NKAIN2: variants seen among roughly 807,000 people sequenced by gnomAD.
NKAIN2 encodes the protein sodium/potassium transporting ATPase interacting 2.
NKAIN2 carries 14 observed loss-of-function variants against 32.6 expected under a neutral mutation model. That is an observed-to-expected ratio of 0.43 (90% CI 0.28 to 0.67). The LOEUF is 0.67. Among genes scored for constraint, NKAIN2 ranks in the 30% least tolerant of loss-of-function variants. NKAIN2 has a pLI of 0.17. For synonymous variants in NKAIN2, 80 were observed against 87.2 expected (o/e 0.92, Z 0.46); for missense variants, 198 against 258.3 (o/e 0.77, Z 1.60).
chr6:124,007,160 T>C (rs1780112306), intron 1 of NKAIN2, among the ~76,000 whole-genome samples: 1 of 152,172 alleles, frequency 6.6e-6, no homozygotes, highest in African/African-American at 2.4e-5. Flanking sequence ...TAGGAAATTG[T>C]AGCACAAATG....
chr6:124,087,233 A>G (rs917277398), intron 1 of NKAIN2, among the ~76,000 whole-genome samples: 1 of 151,948 alleles, frequency 6.6e-6, no homozygotes, highest in African/African-American at 2.4e-5. Context: ...ACACATCCAT[A>G]ATAAAACTCT....
intron 1 of NKAIN2, among the ~76,000 whole-genome samples, chr6:124,174,287 A>T (rs905057855): frequency 2.6e-5 from 4 of 152,156 alleles, no homozygotes; most frequent in Admixed American, 2.6e-4. Flanking sequence ...GAAGTTGTTC[A>T]TTCAAACTTC....
intron 5 of NKAIN2, among the ~76,000 whole-genome samples, chr6:124,806,417 T>C (rs1181871908): frequency 6.6e-6 from 1 of 151,952 alleles, no homozygotes; most frequent in African/African-American, 2.4e-5. Flanking sequence ...AGAAATAAAA[T>C]ACTTTACAGA....
intron 3 of NKAIN2, among the ~76,000 whole-genome samples, chr6:124,633,099 A>ATATAGTGATTTGGCAATGATTG (rs1783632410): frequency 2.0e-5 from 3 of 152,178 alleles, no homozygotes; most frequent in Non-Finnish European, 4.4e-5. Context: ...AAAATACCAA[A>ATATAGTGATTTGGCAATGATTG]TATAGTGATT....
chr6:124,238,705 A>G (rs1181045375), intron 1 of NKAIN2, among the ~76,000 whole-genome samples: 1 of 152,160 alleles, frequency 6.6e-6, no homozygotes, highest in Non-Finnish European at 1.5e-5. Context: ...GAGAAATAAA[A>G]TCCTTTAGAG....
intron 5 of NKAIN2, among the ~76,000 whole-genome samples, chr6:124,809,082 C>G (rs995264999): frequency 2.6e-5 from 4 of 152,136 alleles, no homozygotes. Context: ...GATTCAATGC[C>G]ATCCCCATCA....
chr6:123,806,029 T>C lies in NKAIN2; in HGVS notation c.54+1775T>C, dbSNP rs1483778329. 2.9e-4 allele frequency among the ~76,000 whole-genome samples: 44 copies of C among 152,152 alleles called. 1 individual carries two copies. The highest frequency in any genetic ancestry group is 2.9e-3 in the Admixed American group (44 of 15,278). Reference sequence around the variant, plus strand: ...AACATAAATATACCAGTAGGGAAGCTATCTATTCAAAGTAGAATGATAAAG... The same window carrying C: ...AACATAAATATACCAGTAGGGAAGCCATCTATTCAAAGTAGAATGATAAAG... On this transcript the variant is annotated intron_variant, in intron 1 of 6. Transcript: ENST00000368417.
intron 2 of NKAIN2, among the ~76,000 whole-genome samples, chr6:124,337,213 C>T (rs997470406): frequency 6.6e-6 from 1 of 152,112 alleles, no homozygotes; most frequent in African/African-American, 2.4e-5. Flanking sequence ...CAAAAAAATA[C>T]TCGCTGGGTG....
rs946877094 is a variant in NKAIN2 at position 123,964,637 on chromosome 6, A to T, written c.54+160383A>T. 1.3e-5 allele frequency among the ~76,000 whole-genome samples: 2 copies of T among 152,198 alleles called. No homozygotes were observed. Among genetic ancestry groups the T allele is most frequent in the African/African-American group, 4.8e-5 (2 of 41,458 alleles). Reference sequence around the variant, plus strand: ...TTAAAGGTTTGAGAAATAATTTTTAAGAGAAAATGTCAAACGGTTTTGGAG... The same window carrying T: ...TTAAAGGTTTGAGAAATAATTTTTATGAGAAAATGTCAAACGGTTTTGGAG... On this transcript the variant is annotated intron_variant, in intron 1 of 6. Transcript: ENST00000368417. This position sits in a 1 kb window ranked among gnomAD's most constrained non-coding sequence, Gnocchi z 4.0.
At chr6:124,805,459 C>A (rs937444518) in intron 5 of NKAIN2, among the ~76,000 whole-genome samples, 5 of 152,138 alleles carry the variant, frequency 3.3e-5, no homozygotes, top group Non-Finnish European at 7.3e-5. Flanking sequence ...AACTAACAAA[C>A]AGAAAGGACA....
chr6:124,296,110 C>T (rs1016434635), intron 2 of NKAIN2, among the ~76,000 whole-genome samples: 1 of 152,082 alleles, frequency 6.6e-6, no homozygotes, highest in Non-Finnish European at 1.5e-5. Context: ...CAATTGCATT[C>T]TCTTTCACAT....
chr6:123,902,212 A>C (rs1361184145), intron 1 of NKAIN2, among the ~76,000 whole-genome samples: 1 of 152,056 alleles, frequency 6.6e-6, no homozygotes, highest in Non-Finnish European at 1.5e-5. Flanking sequence ...TACTACATAG[A>C]CTCACATTTT....
At chr6:124,339,198 GGGCGT>G (rs1340589963) in intron 2 of NKAIN2, among the ~76,000 whole-genome samples, 1 of 152,028 alleles carries the variant, frequency 6.6e-6, no homozygotes, top group Non-Finnish European at 1.5e-5. Context: ...AAAAGTAGCC[GGGCGT>G]GGTGGCGCGC....
At chr6:124,719,780 A>G (rs1583716225) in intron 4 of NKAIN2, among the ~76,000 whole-genome samples, 1 of 151,944 alleles carries the variant, frequency 6.6e-6, no homozygotes, top group Non-Finnish European at 1.5e-5. Flanking sequence ...TAATGGTATG[A>G]CTTATTTCTG....
intron 3 of NKAIN2, among the ~76,000 whole-genome samples, chr6:124,465,083 C>T (rs115360553): frequency 0.033 from 5,068 of 152,062 alleles, 264 homozygotes; most frequent in African/African-American, 0.11. Flanking sequence ...AGGTCCTTCA[C>T]ATCCCTTATA....
intron 2 of NKAIN2, among the ~76,000 whole-genome samples, chr6:124,341,030 G>T (rs1285780043): frequency 6.6e-6 from 1 of 152,116 alleles, no homozygotes. Context: ...TAAAAGTCAT[G>T]TTTATATGTT....
intron 1 of NKAIN2, among the ~76,000 whole-genome samples, chr6:124,091,465 A>G (rs1048177667): frequency 3.3e-5 from 5 of 152,070 alleles, no homozygotes; most frequent in Admixed American, 6.6e-5. Flanking sequence ...TTTGTTGCAT[A>G]ATAAGAAAAC....
intron 4 of NKAIN2, among the ~76,000 whole-genome samples, chr6:124,722,719 G>A (rs1171489732): frequency 6.6e-6 from 1 of 152,120 alleles, no homozygotes; most frequent in Non-Finnish European, 1.5e-5. Context: ...CTAGTTCCCT[G>A]GGGAAAGGGG....
chr6:124,253,638 A>T (rs1793787002), intron 1 of NKAIN2, among the ~76,000 whole-genome samples: 1 of 152,092 alleles, frequency 6.6e-6, no homozygotes, highest in Admixed American at 6.6e-5. Context: ...ATCAAAAGTA[A>T]ACCCTCCCTA....
Sources: gnomAD v4.1 joint callset for allele counts (sites outside exome capture counted in the v4.1 genomes callset) on GRCh38, gnomAD v4.1.1 for gene constraint, Gnocchi (gnomAD v3.1) non-coding constraint, MANE v1.5 for transcripts, NCBI Gene and HGNC (gene_info 2026-07-23, HGNC 2026-07-21) for gene names.